The following CPNE4 variants were observed in gnomAD, a reference collection of about 807,000 sequenced individuals.
The protein encoded by CPNE4 is copine-4.
In CPNE4, 25 loss-of-function variants were observed where a neutral mutation model predicts 67.9. That is an observed-to-expected ratio of 0.37 (90% CI 0.27 to 0.51). The LOEUF is 0.51. Among genes scored for constraint, CPNE4 ranks in the 20% least tolerant of loss-of-function variants. The pLI, the probability that CPNE4 is intolerant of heterozygous loss-of-function variation, is 0.93. For missense variants in CPNE4, 464 were observed against 690.8 expected, an observed-to-expected ratio of 0.67 and a Z score of 3.68; for synonymous variants, 242 against 244.9, an observed-to-expected ratio of 0.99 and a Z score of 0.11.
chr3:131,645,529 AT>A (rs1320321303), intron 7 of CPNE4, among the ~76,000 whole-genome samples: 1 of 152,188 alleles, frequency 6.6e-6, no homozygotes, highest in East Asian at 1.9e-4. Flanking sequence ...TTTTATGCCC[AT>A]TTTATTAATG....
At chr3:131,665,319 G>T (rs1036315528) in intron 7 of CPNE4, among the ~76,000 whole-genome samples, 3 of 151,076 alleles carry the variant, frequency 2.0e-5, no homozygotes, top group East Asian at 1.9e-4. Context: ...GGTATTAGAA[G>T]AAAAAAAGGG....
At chr3:131,653,414 C>G (rs767132767) in intron 7 of CPNE4, among the ~76,000 whole-genome samples, 2 of 152,130 alleles carry the variant, frequency 1.3e-5, no homozygotes, top group Non-Finnish European at 2.9e-5. Context: ...TCCCAAAGTG[C>G]TGGGATTACA....
intron 1 of CPNE4, among the ~76,000 whole-genome samples, chr3:132,012,954 G>A (rs920943767): frequency 2.6e-5 from 4 of 152,200 alleles, no homozygotes; most frequent in African/African-American, 9.7e-5. Context: ...TGGGCACAGT[G>A]GCTCATGCCT....
chr3:131,637,932 A>T (rs2079436505), intron 7 of CPNE4, among the ~76,000 whole-genome samples: 1 of 152,206 alleles, frequency 6.6e-6, no homozygotes, highest in Admixed American at 6.5e-5. Flanking sequence ...ATCCAATGAA[A>T]TTAAGCTTAA....
At chr3:131,799,531 T>C (rs745315733) in intron 2 of CPNE4, among the ~76,000 whole-genome samples, 1 of 152,208 alleles carries the variant, frequency 6.6e-6, no homozygotes, top group Non-Finnish European at 1.5e-5. Flanking sequence ...TTTTAAAATT[T>C]TGTTGTTACC....
At chr3:131,547,710 A>G (rs1261453948) in intron 14 of CPNE4, among the ~76,000 whole-genome samples, 3 of 152,094 alleles carry the variant, frequency 2.0e-5, no homozygotes, top group Non-Finnish European at 2.9e-5. Flanking sequence ...TAAAGTAATT[A>G]TTTGAAGTAA....
chr3:131,880,248 T>C (rs1270524564), intron 2 of CPNE4, among the ~76,000 whole-genome samples: 1 of 151,888 alleles, frequency 6.6e-6, no homozygotes, highest in Non-Finnish European at 1.5e-5. Context: ...CCAAAGTAGC[T>C]GGGACTACAG....
At chr3:131,757,767 C>A (rs535565213) in intron 2 of CPNE4, among the ~76,000 whole-genome samples, 1 of 152,312 alleles carries the variant, frequency 6.6e-6, no homozygotes, top group South Asian at 2.1e-4. Flanking sequence ...GTTTCATGGG[C>A]TGAGCCCAGG....
chr3:132,018,674 C>T (rs2073935290), intron 1 of CPNE4, among the ~76,000 whole-genome samples: 1 of 152,180 alleles, frequency 6.6e-6, no homozygotes, highest in African/African-American at 2.4e-5. Context: ...CAACTCTCTA[C>T]ATTAAAGCAA....
chr3:131,905,405 G>T lies in CPNE4; in HGVS notation c.39C>A (p.Asn13Lys), dbSNP rs752432033. 1.9e-6 allele frequency: 3 copies of T among 1,613,280 alleles called. No individual in the cohort carries two copies. The highest frequency in any genetic ancestry group is 1.7e-6 in the Non-Finnish European group (2 of 1,179,634). The change falls in exon 2 of 16, where the codon AAC (asparagine) becomes AAA (lysine). Residue 13 changes from asparagine (N) to lysine (K), a missense_variant. Transcript: ENST00000429747. ...KMSNIYESAA[N>K]TLGIFNSPCL... is the part of the protein sequence containing the mutation. ...AGGGGCTGTTAAAGATTCCCAGTGT[G>T]TTGGCAGCGGACTCATAAATGTTGC...
intron 7 of CPNE4, among the ~76,000 whole-genome samples, chr3:131,595,146 A>G (rs1348756991): frequency 1.3e-5 from 2 of 152,202 alleles, no homozygotes; most frequent in African/African-American, 4.8e-5. Flanking sequence ...AGCTATGGAA[A>G]ACAATATGGA....
intron 1 of CPNE4, among the ~76,000 whole-genome samples, chr3:131,941,080 C>A (rs2107856691): frequency 6.6e-6 from 1 of 152,126 alleles, no homozygotes; most frequent in South Asian, 2.1e-4. Context: ...TTAATTATTT[C>A]TTTTTAATCT....
At chr3:131,836,992 A>G (rs953028432) in intron 2 of CPNE4, among the ~76,000 whole-genome samples, 2 of 152,330 alleles carry the variant, frequency 1.3e-5, no homozygotes, top group African/African-American at 4.8e-5. Context: ...ATCACTAGAT[A>G]TTAGGAATAT....
intron 1 of CPNE4, among the ~76,000 whole-genome samples, chr3:132,000,540 A>T (rs2073405684): frequency 6.6e-6 from 1 of 151,564 alleles, no homozygotes. Flanking sequence ...AGTTACTAGT[A>T]AACGTTAAGG....
At chr3:131,951,123 A>C (rs2071708522) in intron 1 of CPNE4, among the ~76,000 whole-genome samples, 1 of 152,192 alleles carries the variant, frequency 6.6e-6, no homozygotes, top group South Asian at 2.1e-4. Flanking sequence ...TTACAGGATA[A>C]TTTGTGAAGA....
At chr3:131,613,479 G>C (rs989510408) in intron 7 of CPNE4, among the ~76,000 whole-genome samples, 1 of 152,088 alleles carries the variant, frequency 6.6e-6, no homozygotes, top group Non-Finnish European at 1.5e-5. Context: ...TTTTCTTTCT[G>C]TCTTTACCTA....
intron 13 of CPNE4, among the ~76,000 whole-genome samples, chr3:131,551,542 T>A (rs767458836): frequency 6.6e-6 from 1 of 152,058 alleles, no homozygotes; most frequent in South Asian, 2.1e-4. Flanking sequence ...CATAATAAAC[T>A]GAGGATGAAG....
At chr3:131,784,178 T>G (rs1342422405) in intron 2 of CPNE4, among the ~76,000 whole-genome samples, 1 of 151,994 alleles carries the variant, frequency 6.6e-6, no homozygotes, top group Non-Finnish European at 1.5e-5. Context: ...AATGATTGAG[T>G]TCCTGACCAA....
chr3:131,790,565 A>G (rs2107878232), intron 2 of CPNE4, among the ~76,000 whole-genome samples: 1 of 152,272 alleles, frequency 6.6e-6, no homozygotes, highest in East Asian at 1.9e-4. Context: ...ATGCACCCTC[A>G]GTCTAGAAAT....
Sources: gnomAD v4.1 joint callset for allele counts (sites outside exome capture counted in the v4.1 genomes callset) on GRCh38, gnomAD v4.1.1 for gene constraint, MANE v1.5 for transcripts, NCBI Gene and HGNC (gene_info 2026-07-23, HGNC 2026-07-21) for gene names.